The following CSMD2 variants were observed in gnomAD, a reference collection of about 807,000 sequenced individuals.
CSMD2 encodes the protein CUB and Sushi multiple domains 2.
Under a neutral mutation model 398.5 loss-of-function variants are expected in CSMD2, and 130 were observed. The ratio of observed to expected loss-of-function variants is 0.33; its 90% CI spans 0.28 to 0.38. CSMD2 has a LOEUF of 0.38. CSMD2 is among the 10% of genes least tolerant of loss of function. CSMD2 has a pLI of 1.00. For missense variants in CSMD2, 3,829 were observed against 4,764.9 expected (o/e 0.80, Z 5.78); for synonymous variants, 1,828 against 1,908.5 (o/e 0.96, Z 1.10).
chr1:34,019,122 T>C (rs1648541585), intron 3 of CSMD2, among the ~76,000 whole-genome samples: 1 of 152,216 alleles, frequency 6.6e-6, no homozygotes, highest in South Asian at 2.1e-4. Flanking sequence ...AAAGGACTGC[T>C]TGAGAATTAA....
chr1:33,997,895 C>T (rs1263590167), intron 3 of CSMD2, among the ~76,000 whole-genome samples: 1 of 152,108 alleles, frequency 6.6e-6, no homozygotes, highest in Non-Finnish European at 1.5e-5. Flanking sequence ...CTTCTTTTCT[C>T]GAAGCCTCTG....
chr1:33,974,982 A>ATGCT (rs1645907700), intron 3 of CSMD2, among the ~76,000 whole-genome samples: 1 of 152,226 alleles, frequency 6.6e-6, no homozygotes, highest in Non-Finnish European at 1.5e-5. Context: ...ATGATGCCAG[A>ATGCT]TGCTTAATGC....
rs781315154 is a variant in CSMD2, at chr1:33,541,236, A to G, written c.9351T>C (p.Thr3117=). The change falls in exon 59 of 71, where the codon ACT becomes ACC. Residue 3117 remains threonine, a synonymous_variant. Coordinates refer to ENST00000373381, the MANE Select transcript of CSMD2 (RefSeq NM_001281956.2). ...RLGNDFRYNK[T]VTYQCVPGYM... is the part of the protein sequence containing the mutation. ...AGCCAGGGACACACTGATATGTCAC[A>G]GTTTTGTTGTACCTGAAGTCATTGC... 3.7e-6 allele frequency: 6 copies of G among 1,613,950 alleles called. No homozygotes were observed. The African/African-American group carries it at 8.0e-5, about 22-fold the overall frequency.
intron 5 of CSMD2, among the ~76,000 whole-genome samples, chr1:33,848,037 T>A (rs1361705522): frequency 6.6e-6 from 1 of 151,672 alleles, no homozygotes; most frequent in Admixed American, 6.6e-5. Context: ...GTAAGAAGAG[T>A]CCCAGGAGTT....
At chr1:34,108,460 C>T (rs1660737352) in intron 1 of CSMD2, among the ~76,000 whole-genome samples, 1 of 152,160 alleles carries the variant, frequency 6.6e-6, no homozygotes, top group African/African-American at 2.4e-5. Context: ...TGCTCTGATG[C>T]AGCTAGCCCA....
chr1:33,725,609 C>G, intron 16 of CSMD2, 73 bp from the exon 17 acceptor site: 3 of 1,428,478 alleles, frequency 2.1e-6, no homozygotes, highest in Non-Finnish European at 2.9e-6. Context: ...TAAAGCCCTG[C>G]CTGACCCAGG....
chr1:33,517,390 C>G (rs1653861123), intron 70 of CSMD2, among the ~76,000 whole-genome samples: 1 of 152,192 alleles, frequency 6.6e-6, no homozygotes, highest in African/African-American at 2.4e-5. Flanking sequence ...ACACCAGCAC[C>G]TGGAACCCAG....
intron 5 of CSMD2, among the ~76,000 whole-genome samples, chr1:33,899,254 C>A (rs1642596991): frequency 6.6e-6 from 1 of 152,214 alleles, no homozygotes; most frequent in Non-Finnish European, 1.5e-5. Context: ...TCTGTGAAGC[C>A]AGCCCACATC....
intron 5 of CSMD2, among the ~76,000 whole-genome samples, chr1:33,898,319 C>T (rs963574837): frequency 2.6e-5 from 4 of 152,154 alleles, no homozygotes; most frequent in Non-Finnish European, 5.9e-5. Context: ...ATTTTCACAT[C>T]CTGATGAAGA....
chr1:33,790,328 C>T (rs1386043335), intron 11 of CSMD2, among the ~76,000 whole-genome samples: 1 of 152,176 alleles, frequency 6.6e-6, no homozygotes, highest in Non-Finnish European at 1.5e-5. Flanking sequence ...CTGAGTAAAG[C>T]AGATTGCCCT....
chr1:33,916,195 A>G (rs923503310), intron 5 of CSMD2, among the ~76,000 whole-genome samples: 1 of 152,210 alleles, frequency 6.6e-6, no homozygotes. Flanking sequence ...ATATAACTAC[A>G]GATATTTTTA....
chr1:34,029,464 T>C (rs1650139592), intron 3 of CSMD2, among the ~76,000 whole-genome samples: 1 of 152,194 alleles, frequency 6.6e-6, no homozygotes, highest in African/African-American at 2.4e-5. Flanking sequence ...GTAGGTATGC[T>C]CACAGCTGTG....
intron 53 of CSMD2, among the ~76,000 whole-genome samples, chr1:33,563,870 T>C (rs547960680): frequency 1.3e-5 from 2 of 152,154 alleles, no homozygotes; most frequent in African/African-American, 2.4e-5. Flanking sequence ...CTGGTTGACA[T>C]TGGAAACCTT....
At chr1:33,531,741 C>A (rs1655252237) in intron 64 of CSMD2, among the ~76,000 whole-genome samples, 1 of 152,094 alleles carries the variant, frequency 6.6e-6, no homozygotes, top group African/African-American at 2.4e-5. Context: ...TATGATTCCA[C>A]TAACATGAGG....
At chr1:33,956,931 G>A (rs1029766239) in intron 3 of CSMD2, among the ~76,000 whole-genome samples, 1 of 151,634 alleles carries the variant, frequency 6.6e-6, no homozygotes, top group African/African-American at 2.4e-5. Flanking sequence ...CAGAGTCTCC[G>A]TGGCCAGTCT....
Position 33,646,754 on chromosome 1 carries a change from A to G in CSMD2, c.4668T>C (p.Tyr1556=). Residue 1556 remains tyrosine, a synonymous_variant, in exon 29 of 71, where the codon TAT becomes TAC. Coordinates refer to ENST00000373381, the MANE Select transcript of CSMD2 (RefSeq NM_001281956.2). ...CAATGCGGCCTGGGAGCTGGGAGCC[A>G]TAGAAGCTTCCTATGAGAGGGCTGA... ...DSLSPLIGSF[Y]GSQLPGRIES... is the part of the protein sequence containing the mutation. 6.2e-7 allele frequency: 1 copy of G among 1,614,172 alleles called. No individual in the cohort carries two copies. The highest frequency in any genetic ancestry group is 8.5e-7 in the Non-Finnish European group (1 of 1,180,002).
chr1:34,102,042 T>C (rs1027813009), intron 1 of CSMD2, among the ~76,000 whole-genome samples: 3 of 152,098 alleles, frequency 2.0e-5, no homozygotes, highest in Non-Finnish European at 2.9e-5. Context: ...TTCACTTTTT[T>C]TTTTTTGAGA....
At position 33,522,197 on chromosome 1, in the gene CSMD2, C is replaced by T. The variant is rs149157337; in HGVS notation, c.10510-647G>A. Among the ~76,000 whole-genome samples the T allele has an allele frequency of 1.7e-4, 26 of 152,308 alleles. No individual in the cohort carries two copies. In the South Asian group the frequency reaches 4.1e-3, roughly 24 times the overall value. The stretch of plus-strand genomic sequence containing the variant: ...TGCCTGTGCTCCTGGGTACTCCCAA[C>T]CTATGCTCCATGGCTAGGAGCAGCC... On this transcript the variant is annotated intron_variant, in intron 67 of 70. Coordinates refer to ENST00000373381, the MANE Select transcript of CSMD2 (RefSeq NM_001281956.2).
At position 33,725,445 on chromosome 1, in the gene CSMD2, C is replaced by T; in HGVS notation, c.2599G>A (p.Val867Ile). The T allele has an allele frequency of 6.2e-7, 1 of 1,614,154 alleles. No homozygotes were observed. Among genetic ancestry groups the T allele is most frequent in the East Asian group, 2.2e-5 (1 of 44,882 alleles). ...CTGGTGCTGATGAGGAACTGGGGAA[C>T]CTGGGTCCCGTGGTAAACCCCGATC... ...PLIGVYHGTQ[V>I]PQFLISTSNY... The change falls in exon 17 of 71, where the codon GTT becomes ATT. Residue 867 changes from valine to isoleucine, a missense_variant. Around this residue, in one of 5 missense-constraint regions of CSMD2, gnomAD observed 2,001 missense variants for 2,567.1 expected, o/e 0.78. Coordinates refer to ENST00000373381, the MANE Select transcript of CSMD2 (RefSeq NM_001281956.2).
Sources: gnomAD v4.1 joint callset for allele counts (sites outside exome capture counted in the v4.1 genomes callset) on GRCh38, gnomAD v4.1.1 for gene constraint, gnomAD v4.1.1 regional missense constraint, MANE v1.5 for transcripts, NCBI Gene and HGNC (gene_info 2026-07-23, HGNC 2026-07-21) for gene names.